CDIN1: variants seen among roughly 807,000 people sequenced by gnomAD.
The protein encoded by CDIN1 is CDAN1 interacting nuclease 1, also known as CDAN1-interacting nuclease 1.
A neutral mutation model predicts 45.3 loss-of-function variants in CDIN1; 33 were observed. The observed-to-expected ratio is 0.73, with a 90% CI of 0.55 to 0.97. The LOEUF (loss-of-function observed/expected upper bound fraction) is 0.97, where lower values mean the gene tolerates loss of function less well. Ranked by LOEUF, CDIN1 falls within the 50% of genes least tolerant of loss-of-function variation. CDIN1 has a pLI of 0.00. For missense variants in CDIN1, 303 were observed against 339.4 expected (o/e 0.89, Z 0.84); for synonymous variants, 118 against 124.4 (o/e 0.95, Z 0.34).
intron 10 of CDIN1, among the ~76,000 whole-genome samples, chr15:36,751,224 T>C (rs932556521): frequency 1.1e-5 from 1 of 90,892 alleles, no homozygotes; most frequent in African/African-American, 4.1e-5. Flanking sequence ...ATATATATGC[T>C]TATTTTATAT....
intron 5 of CDIN1, among the ~76,000 whole-genome samples, chr15:36,684,948 C>T (rs1429286924): frequency 6.6e-6 from 1 of 151,310 alleles, no homozygotes; most frequent in Non-Finnish European, 1.5e-5. Context: ...TTTTTTATTG[C>T]GTCTATTTGA....
chr15:36,684,845 A>C (rs2041983909), intron 5 of CDIN1, among the ~76,000 whole-genome samples: 1 of 149,884 alleles, frequency 6.7e-6, no homozygotes, highest in East Asian at 2.0e-4. Flanking sequence ...CATTTCTTCT[A>C]GATTTTCTAG....
intron 3 of CDIN1, among the ~76,000 whole-genome samples, chr15:36,648,032 G>A (rs1415491981): frequency 6.6e-6 from 1 of 152,110 alleles, no homozygotes; most frequent in Admixed American, 6.5e-5. Flanking sequence ...GTAGAGACGG[G>A]GTTTCACCGT....
intron 10 of CDIN1, among the ~76,000 whole-genome samples, chr15:36,719,791 G>A (rs2043343874): frequency 6.6e-6 from 1 of 152,000 alleles, no homozygotes; most frequent in African/African-American, 2.4e-5. Context: ...CTATAAAATC[G>A]ATTTCTTAGT....
Position 36,697,337 on chromosome 15 carries a change from A to G in CDIN1, c.491A>G (p.Glu164Gly). The change falls in exon 8 of 11, where the codon GAG becomes GGG. Residue 164 changes from glutamate to glycine, a missense_variant. By Grantham distance (98) the Glu-to-Gly change is moderately conservative. Transcript: ENST00000566621. ...AAACTTCCCAGTGCCATTGGTCATGAGCATGAGGTCCTGCTGAGAGACTTG... is the reference window on the plus strand; with the variant it reads ...AAACTTCCCAGTGCCATTGGTCATGGGCATGAGGTCCTGCTGAGAGACTTG... ...VDCIKHAIGH[E>G]HEVLLRDLLL... 1 of 1,612,582 alleles carries G rather than the reference A, an allele frequency of 6.2e-7. No homozygotes were observed. The highest frequency in any genetic ancestry group is 8.5e-7 in the Non-Finnish European group (1 of 1,179,346).
chr15:36,712,020 A>G (rs1271952662), intron 10 of CDIN1, among the ~76,000 whole-genome samples: 3 of 152,136 alleles, frequency 2.0e-5, no homozygotes, highest in East Asian at 1.9e-4. Flanking sequence ...AGCAATTGCT[A>G]AAGTTCTTCA....
chr15:36,620,684 G>A (rs1215590123), intron 1 of CDIN1, among the ~76,000 whole-genome samples: 3 of 152,160 alleles, frequency 2.0e-5, no homozygotes, highest in Non-Finnish European at 2.9e-5. Flanking sequence ...AGATGGTAAG[G>A]CGGACTGACC....
chr15:36,728,624 T>C (rs1282493097), intron 10 of CDIN1, among the ~76,000 whole-genome samples: 1 of 151,842 alleles, frequency 6.6e-6, no homozygotes, highest in African/African-American at 2.4e-5. Flanking sequence ...ATGCTAAAAT[T>C]ACCAGAAATA....
At chr15:36,691,793 G>T in intron 6 of CDIN1, 29 bp downstream of exon 6, 10 of 1,475,488 alleles carry the variant, frequency 6.8e-6, no homozygotes, top group Non-Finnish European at 9.4e-6. Flanking sequence ...TATTTTCAGT[G>T]GCAATGCTGT....
chr15:36,621,003 C>T (rs755368200), intron 1 of CDIN1, among the ~76,000 whole-genome samples: 1 of 152,130 alleles, frequency 6.6e-6, no homozygotes, highest in Admixed American at 6.5e-5. Flanking sequence ...CTCTCATATA[C>T]TAAATACACA....
intron 9 of CDIN1, 110 bp downstream of exon 9, chr15:36,709,398 G>T (rs1383620480): frequency 1.4e-6 from 1 of 700,756 alleles, no homozygotes; most frequent in Non-Finnish European, 2.2e-6. Flanking sequence ...TGGATAATTG[G>T]AAAATGTTAC....
chr15:36,726,655 A>C (rs2043637024), intron 10 of CDIN1, among the ~76,000 whole-genome samples: 1 of 152,214 alleles, frequency 6.6e-6, no homozygotes, highest in African/African-American at 2.4e-5. Flanking sequence ...GCTGAAACTC[A>C]AGTGGGCAGA....
chr15:36,673,660 A>G (rs1001629727), intron 5 of CDIN1, among the ~76,000 whole-genome samples: 4 of 152,084 alleles, frequency 2.6e-5, no homozygotes, highest in South Asian at 4.2e-4. Flanking sequence ...AAATTGTCAA[A>G]ACTACTTTGC....
At chr15:36,645,405 A>T (rs11073192) in intron 3 of CDIN1, 118 bp downstream of exon 3, 5 of 895,072 alleles carry the variant, frequency 5.6e-6, no homozygotes, top group South Asian at 3.8e-5. Context: ...TGTTTTAAGT[A>T]TTTTATTCAA....
rs16964043 is a variant in CDIN1 at position 36,782,265 on chromosome 15, C to T, written c.717-26059C>T. 1.5e-3 allele frequency among the ~76,000 whole-genome samples: 233 copies of T among 152,054 alleles called. 2 individuals carry two copies. In the East Asian group the frequency reaches 0.036, roughly 23 times the overall value. On this transcript the variant is annotated intron_variant, in intron 10 of 10. Transcript: ENST00000566621. ...AACAAAGTTATGTGGCAAAAACAAA[C>T]GACAAGGAGGAGATGTGGCTGCTCC...
chr15:36,740,390 T>C (rs2044190478), intron 10 of CDIN1, among the ~76,000 whole-genome samples: 1 of 152,044 alleles, frequency 6.6e-6, no homozygotes, highest in Non-Finnish European at 1.5e-5. Context: ...CTGTCATAAC[T>C]GAAAAGCCCA....
At chr15:36,727,700 A>G (rs185849509) in intron 10 of CDIN1, among the ~76,000 whole-genome samples, 232 of 152,350 alleles carry the variant, frequency 1.5e-3, no homozygotes, top group African/African-American at 4.6e-3. Context: ...TAAATTTTTC[A>G]TAAAAGGGCC....
intron 5 of CDIN1, among the ~76,000 whole-genome samples, chr15:36,678,275 G>A (rs1346816451): frequency 3.3e-5 from 5 of 152,176 alleles, no homozygotes; most frequent in African/African-American, 1.2e-4. Flanking sequence ...CTGGCAATAT[G>A]GAAATTGTTC....
At chr15:36,656,362 G>A (rs935803776) in intron 4 of CDIN1, among the ~76,000 whole-genome samples, 1 of 151,982 alleles carries the variant, frequency 6.6e-6, no homozygotes, top group Non-Finnish European at 1.5e-5. Flanking sequence ...TATCTTTTTG[G>A]GGGGCTAAGG....
Sources: allele counts gnomAD v4.1 joint callset (sites outside exome capture counted in the v4.1 genomes callset), GRCh38; gene constraint gnomAD v4.1.1; transcripts MANE v1.5; gene names NCBI Gene and HGNC (gene_info 2026-07-23, HGNC 2026-07-21).